SOX5: variants seen among roughly 807,000 people sequenced by gnomAD.
The protein encoded by SOX5 is SRY-box transcription factor 5.
In SOX5, 9 loss-of-function variants were observed where a neutral mutation model predicts 92.0. The observed-to-expected ratio is 0.10, with a 90% CI of 0.06 to 0.17. The LOEUF is 0.17. SOX5 is among the 10% of genes least tolerant of loss of function. The pLI is 1.00. For synonymous variants in SOX5, 344 were observed against 336.3 expected, an observed-to-expected ratio of 1.02 and a Z score of -0.25; for missense variants, 642 against 944.5, an observed-to-expected ratio of 0.68 and a Z score of 4.20.
intron 3 of SOX5, among the ~76,000 whole-genome samples, chr12:23,772,207 G>A (rs1465898090): frequency 6.6e-6 from 1 of 152,236 alleles, no homozygotes; most frequent in Non-Finnish European, 1.5e-5. Context: ...AGGTAGCTGT[G>A]AAGACGTTGG....
chr12:23,905,648 A>G (rs1487282886), intron 1 of SOX5, among the ~76,000 whole-genome samples: 1 of 152,170 alleles, frequency 6.6e-6, no homozygotes, highest in Non-Finnish European at 1.5e-5. Context: ...CTTGAAAAAG[A>G]TTAATTAGAG....
chr12:23,838,444 G>A (rs1339351828), intron 3 of SOX5, among the ~76,000 whole-genome samples: 4 of 151,746 alleles, frequency 2.6e-5, no homozygotes, highest in Non-Finnish European at 5.9e-5. Flanking sequence ...TATATTCAAA[G>A]TACATGTCAA....
At chr12:24,554,560 T>A (rs774789239) in intron 1 of SOX5, among the ~76,000 whole-genome samples, 1 of 152,050 alleles carries the variant, frequency 6.6e-6, no homozygotes, top group Non-Finnish European at 1.5e-5. Context: ...CTGCCTCCCA[T>A]CCTCCTTGGA....
chr12:24,261,786 C>G (rs1007367346), intron 3 of SOX5, among the ~76,000 whole-genome samples: 1 of 152,212 alleles, frequency 6.6e-6, no homozygotes, highest in African/African-American at 2.4e-5. Context: ...CAAGGCTCCA[C>G]TCAAATACCA....
At chr12:23,663,947 T>A (rs111822897) in intron 7 of SOX5, among the ~76,000 whole-genome samples, 1 of 152,116 alleles carries the variant, frequency 6.6e-6, no homozygotes, top group African/African-American at 2.4e-5. Flanking sequence ...GAGTGAGAAT[T>A]CCATTTAAAA....
intron 4 of SOX5, among the ~76,000 whole-genome samples, chr12:23,975,968 T>C (rs1044643690): frequency 2.0e-5 from 3 of 152,110 alleles, no homozygotes; most frequent in East Asian, 1.9e-4. Context: ...ACTTCACATA[T>C]AGTCAATATA....
At chr12:24,514,814 A>G (rs573643375) in intron 1 of SOX5, among the ~76,000 whole-genome samples, 29 of 152,322 alleles carry the variant, frequency 1.9e-4, no homozygotes, top group African/African-American at 6.7e-4. Context: ...AGAAAATCAA[A>G]TATCGCGTGT....
At chr12:24,069,269 C>G (rs1941396374) in intron 4 of SOX5, among the ~76,000 whole-genome samples, 1 of 152,078 alleles carries the variant, frequency 6.6e-6, no homozygotes, top group African/African-American at 2.4e-5. Context: ...GAAGCTCTAC[C>G]TCAGAAATAG....
At chr12:24,318,081 C>G (rs1949863974) in intron 2 of SOX5, among the ~76,000 whole-genome samples, 1 of 152,016 alleles carries the variant, frequency 6.6e-6, no homozygotes, top group African/African-American at 2.4e-5. Flanking sequence ...CATGGGCACC[C>G]AGCTGTAATC....
At chr12:23,699,610 G>C (rs2090348198) in intron 6 of SOX5, among the ~76,000 whole-genome samples, 1 of 152,028 alleles carries the variant, frequency 6.6e-6, no homozygotes, top group African/African-American at 2.4e-5. Context: ...GAAGATCTTA[G>C]AGTGGTAGTG....
At chr12:23,899,143 C>G (rs2097206439) in intron 1 of SOX5, among the ~76,000 whole-genome samples, 2 of 152,134 alleles carry the variant, frequency 1.3e-5, no homozygotes, top group Non-Finnish European at 2.9e-5. Flanking sequence ...GTTGCAGTGG[C>G]TCACGCCTAT....
At chr12:24,275,945 G>A (rs1270386095) in intron 3 of SOX5, among the ~76,000 whole-genome samples, 1 of 151,916 alleles carries the variant, frequency 6.6e-6, no homozygotes, top group Non-Finnish European at 1.5e-5. Flanking sequence ...ATTACCTTTT[G>A]TATTAGTTAT....
intron 4 of SOX5, among the ~76,000 whole-genome samples, chr12:24,171,138 A>ATTTTT (rs71059984): frequency 1.6e-4 from 14 of 85,148 alleles, no homozygotes; most frequent in African/African-American, 5.1e-4. Context: ...CCCAAGATCT[A>ATTTTT]TTTTTTTTTT....
intron 1 of SOX5, among the ~76,000 whole-genome samples, chr12:24,538,289 G>C (rs1310621854): frequency 6.6e-6 from 1 of 152,084 alleles, no homozygotes; most frequent in Non-Finnish European, 1.5e-5. Context: ...TCAAAACATT[G>C]TAACAGTGCA....
At chr12:24,223,181 A>C (rs1050497536) in intron 3 of SOX5, 2 of 152,230 alleles carry the variant, frequency 1.3e-5, no homozygotes, top group Admixed American at 6.5e-5. Context: ...TGATACAAAC[A>C]CACAATTTAG....
At chr12:24,082,516 G>A (rs1478998753) in intron 4 of SOX5, among the ~76,000 whole-genome samples, 1 of 144,740 alleles carries the variant, frequency 6.9e-6, no homozygotes, top group Non-Finnish European at 1.5e-5. Context: ...TTACAATTAA[G>A]ATTTTGATTT....
chr12:23,652,891 GA>G, intron 7 of SOX5, among the ~76,000 whole-genome samples: 1 of 152,166 alleles, frequency 6.6e-6, no homozygotes, highest in East Asian at 1.9e-4. Context: ...CCTTGTATTT[GA>G]AGTATAGTAA....
intron 4 of SOX5, among the ~76,000 whole-genome samples, chr12:24,182,274 G>GATA (rs1331957292): frequency 6.6e-6 from 1 of 152,168 alleles, no homozygotes; most frequent in Non-Finnish European, 1.5e-5. Context: ...ATTTAAAGGG[G>GATA]AAAGGTCTTT....
chr12:24,359,373 A>C (rs941010205), intron 2 of SOX5, among the ~76,000 whole-genome samples: 1 of 152,188 alleles, frequency 6.6e-6, no homozygotes, highest in Non-Finnish European at 1.5e-5. Flanking sequence ...CTGATGGATG[A>C]GTTAGGACAC....
Sources: gnomAD v4.1 joint callset for allele counts (sites outside exome capture counted in the v4.1 genomes callset) on GRCh38, gnomAD v4.1.1 for gene constraint, MANE v1.5 for transcripts, NCBI Gene and HGNC (gene_info 2026-07-23, HGNC 2026-07-21) for gene names.